Variants in DGKB observed in about 807,000 individuals in gnomAD.
The protein encoded by DGKB is 90 kDa diacylglycerol kinase.
Under a neutral mutation model 114.3 loss-of-function variants are expected in DGKB, and 67 were observed. The ratio of observed to expected loss-of-function variants is 0.59; its 90% CI spans 0.48 to 0.72. The LOEUF is 0.72. Ranked by LOEUF, DGKB falls within the 30% of genes least tolerant of loss-of-function variation. DGKB has a pLI of 0.00. For synonymous variants in DGKB, 398 were observed against 323.1 expected (o/e 1.23, Z -2.49); for missense variants, 907 against 975.2 (o/e 0.93, Z 0.93).
At chr7:14,816,675 A>G (rs1844200998) in intron 2 of DGKB, 1 of 152,204 alleles carries the variant, frequency 6.6e-6, no homozygotes, top group Admixed American at 6.5e-5. Flanking sequence ...ATTTGATGTA[A>G]CGATTAAATG....
chr7:14,721,545 C>A (rs374008459), intron 5 of DGKB, among the ~76,000 whole-genome samples: 1 of 152,044 alleles, frequency 6.6e-6, no homozygotes, highest in Non-Finnish European at 1.5e-5. Flanking sequence ...ATATTTAAAG[C>A]TGTATCATGT....
At chr7:14,184,064 T>A (rs1783031028) in intron 23 of DGKB, among the ~76,000 whole-genome samples, 6 of 152,150 alleles carry the variant, frequency 3.9e-5, no homozygotes, top group Admixed American at 3.3e-4. Flanking sequence ...TTTCCGGCTT[T>A]ACTTGGAGCT....
In DGKB at chr7:14,621,515, A is replaced by T. The variant is rs764953791; in HGVS notation, c.1168-21T>A. On this transcript the variant is annotated intron_variant, in intron 14 of 25. Transcript: ENST00000402815. ...CTTTCCTGTAAAAAAGAAAATTTTGATAAAAATAAAAATTAGGAAAATAAC... is the reference window on the plus strand; with the variant it reads ...CTTTCCTGTAAAAAAGAAAATTTTGTTAAAAATAAAAATTAGGAAAATAAC... 3.7e-6 allele frequency: 5 copies of T among 1,354,838 alleles called. No homozygotes were observed. The South Asian group carries it at 6.6e-5, about 18-fold the overall frequency. 83.9% of individuals were successfully genotyped at this position (1,354,838 alleles called of 1,614,324 possible).
chr7:14,960,223 G>A (rs769859841), intron 1 of DGKB, among the ~76,000 whole-genome samples: 4 of 152,102 alleles, frequency 2.6e-5, no homozygotes, highest in South Asian at 2.1e-4. Flanking sequence ...TGACGAATGC[G>A]TTTAGTTTAC....
chr7:14,574,705 C>T (rs1293612185), intron 19 of DGKB, among the ~76,000 whole-genome samples: 2 of 152,126 alleles, frequency 1.3e-5, no homozygotes, highest in African/African-American at 4.8e-5. Flanking sequence ...TCCATATCTT[C>T]CTCCTGGGCA....
intron 1 of DGKB, among the ~76,000 whole-genome samples, chr7:14,853,327 G>T (rs574041843): frequency 1.1e-3 from 172 of 152,048 alleles, no homozygotes; most frequent in African/African-American, 4.1e-3. Context: ...TGAAAGCATT[G>T]CCTTATACCT....
In DGKB at chr7:14,673,023, T is replaced by C; in HGVS notation, c.1040A>G (p.His347Arg). Residue 347 changes from histidine (H) to arginine (R), a missense_variant, in exon 13 of 26, where the codon CAT becomes CGT. By Grantham distance (29) the His-to-Arg change is conservative (BLOSUM62 0). Coordinates refer to ENST00000402815, the MANE Select transcript of DGKB (RefSeq NM_001350709.2). ...LHCVWCQITL[H>R]NKCASHLKPE... is the part of the protein sequence containing the mutation. ...TTTTAGATGAGAAGCACATTTATTA[T>C]GCAGCTAGAAAAACAGAAAGGGGGA... 1 of 1,561,890 alleles carries C rather than the reference T, an allele frequency of 6.4e-7. No homozygotes were observed. Among genetic ancestry groups the C allele is most frequent in the Non-Finnish European group, 8.7e-7 (1 of 1,150,470 alleles).
At chr7:14,549,485 T>G (rs1027357008) in intron 20 of DGKB, among the ~76,000 whole-genome samples, 7 of 152,160 alleles carry the variant, frequency 4.6e-5, no homozygotes, top group Admixed American at 4.6e-4. Context: ...AAATATTCTA[T>G]TTAATACTTT....
intron 23 of DGKB, among the ~76,000 whole-genome samples, chr7:14,228,884 C>CTGAGTGTGTGTG (rs1791262472): frequency 6.7e-6 from 1 of 148,634 alleles, no homozygotes; most frequent in Non-Finnish European, 1.5e-5. Flanking sequence ...AGTTTTTTTT[C>CTGAGTGTGTGTG]TGTGTGTGTG....
intron 2 of DGKB, among the ~76,000 whole-genome samples, chr7:14,831,244 A>G (rs1846371035): frequency 6.6e-6 from 1 of 152,054 alleles, no homozygotes; most frequent in African/African-American, 2.4e-5. Context: ...AGGCAACCTG[A>G]TGGGGAAATA....
At chr7:14,250,045 C>T (rs1675460588) in intron 23 of DGKB, among the ~76,000 whole-genome samples, 1 of 151,792 alleles carries the variant, frequency 6.6e-6, no homozygotes, top group African/African-American at 2.4e-5. Context: ...GCCTCAACCT[C>T]CTGCATTCAA....
At chr7:14,390,916 T>C (rs1821212095) in intron 21 of DGKB, among the ~76,000 whole-genome samples, 1 of 152,232 alleles carries the variant, frequency 6.6e-6, no homozygotes, top group South Asian at 2.1e-4. Context: ...AATATTGAGC[T>C]AGCCTATGAA....
At chr7:14,794,764 G>C (rs1207349171) in intron 2 of DGKB, among the ~76,000 whole-genome samples, 1 of 152,140 alleles carries the variant, frequency 6.6e-6, no homozygotes, top group Non-Finnish European at 1.5e-5. Context: ...AAGTTGGAAA[G>C]GGAACACGTG....
At chr7:14,494,565 C>T (rs1051351271) in intron 20 of DGKB, among the ~76,000 whole-genome samples, 10 of 151,840 alleles carry the variant, frequency 6.6e-5, no homozygotes, top group African/African-American at 2.4e-4. Flanking sequence ...CTTAATATGG[C>T]ATTCACTTAT....
rs140836395 is a variant in DGKB at position 14,304,087 on chromosome 7, A to ACACACACTCTCTCT, written c.2122+34427_2122+34428insAGAGAGAGTGTGTG. Among the ~76,000 whole-genome samples the ACACACACTCTCTCT allele has an allele frequency of 7.4e-3, 810 of 110,076 alleles. 4 individuals carry two copies. Among genetic ancestry groups the ACACACACTCTCTCT allele is most frequent in the South Asian group, 0.022 (57 of 2,590 alleles). The allele number at this position is 110,076 out of a possible 152,430, so 72.2% of individuals were successfully genotyped here. On this transcript the variant is annotated intron_variant, in intron 23 of 25. Coordinates refer to ENST00000402815, the MANE Select transcript of DGKB (RefSeq NM_001350709.2). ...CACACACACACACACACACACACAC[A>ACACACACTCTCTCT]CTCTCTCTCTCTCACCCCTACCTCA...
At chr7:14,648,115 A>G (rs1362311048) in intron 13 of DGKB, among the ~76,000 whole-genome samples, 1 of 152,228 alleles carries the variant, frequency 6.6e-6, no homozygotes, top group African/African-American at 2.4e-5. Flanking sequence ...CAAAGCTGCC[A>G]GGAAGCTGGA....
intron 2 of DGKB, among the ~76,000 whole-genome samples, chr7:14,768,774 G>A (rs887805529): frequency 2.0e-5 from 3 of 152,038 alleles, no homozygotes; most frequent in African/African-American, 4.8e-5. Context: ...AACACTGCAA[G>A]TATGCATATT....
At chr7:14,292,312 A>G (rs975800841) in intron 23 of DGKB, among the ~76,000 whole-genome samples, 6 of 152,052 alleles carry the variant, frequency 3.9e-5, no homozygotes, top group Non-Finnish European at 8.8e-5. Context: ...ATGGCGCTGC[A>G]TGGTCAGCAC....
intron 13 of DGKB, among the ~76,000 whole-genome samples, chr7:14,638,825 T>C (rs1275465991): frequency 6.6e-6 from 1 of 152,128 alleles, no homozygotes; most frequent in Non-Finnish European, 1.5e-5. Flanking sequence ...GTGGATCATC[T>C]GAGGAGTTTG....
Sources: allele counts gnomAD v4.1 joint callset (sites outside exome capture counted in the v4.1 genomes callset), GRCh38; gene constraint gnomAD v4.1.1; transcripts MANE v1.5; gene names NCBI Gene and HGNC (gene_info 2026-07-23, HGNC 2026-07-21).